Variants in TEKT5 observed in about 807,000 individuals in gnomAD.
TEKT5 encodes tektin-5.
A neutral mutation model predicts 48.7 loss-of-function variants in TEKT5; 52 were observed. The observed-to-expected ratio is 1.07, with a 90% CI of 0.86 to 1.35. The LOEUF is 1.35. Ranked by LOEUF, TEKT5 falls within the 40% of genes most tolerant of loss-of-function variation. TEKT5 has a pLI of 0.00. For missense variants in TEKT5, 831 were observed against 641.6 expected, an observed-to-expected ratio of 1.30 and a Z score of -3.19; for synonymous variants, 318 against 267.6, an observed-to-expected ratio of 1.19 and a Z score of -1.84.
Position 10,627,742 on chromosome 16 carries a change from C to T in TEKT5, c.1299G>A (p.Leu433=), listed in dbSNP as rs1435741949. ...GCTGCAGCGTGTCCTGTGTCTCCCG[C>T]AGCCGCAGCTTGAGGGTCTGCAGGG... ...DDTLQTLKLR[L]RETQDTLQLL... The change falls in exon 7 of 7, where the codon CTG becomes CTA. Residue 433 remains leucine, a synonymous_variant. Transcript: ENST00000283025. 1 of 1,614,268 alleles carries T rather than the reference C, an allele frequency of 6.2e-7. No individual in the cohort carries two copies.
chr16:10,663,708 G>A lies in TEKT5; in HGVS notation c.1086+12251C>T, dbSNP rs973424548. The stretch of plus-strand genomic sequence containing the variant: ...GTGGGGGCTGTCCTGTGCATTGGGG[G>A]CTGTTTAGCACAGCATCCCTGGTCT... On this transcript the variant is annotated intron_variant, in intron 5 of 6. Transcript: ENST00000283025. Among the ~76,000 whole-genome samples the A allele has an allele frequency of 3.3e-5, 5 of 152,284 alleles. No individual in the cohort carries two copies. The East Asian group carries it at 9.7e-4, about 29-fold the overall frequency.
intron 5 of TEKT5, among the ~76,000 whole-genome samples, chr16:10,653,790 G>A (rs1005407093): frequency 5.3e-5 from 8 of 152,152 alleles, no homozygotes; most frequent in African/African-American, 1.9e-4. Flanking sequence ...GCAGGAGCCT[G>A]TAATCTCAGC....
intron 5 of TEKT5, among the ~76,000 whole-genome samples, chr16:10,639,874 C>T (rs1451183822): frequency 5.3e-5 from 8 of 152,228 alleles, no homozygotes; most frequent in Non-Finnish European, 1.2e-4. Flanking sequence ...CCCTCTGCAT[C>T]TGCATCCTAG....
intron 5 of TEKT5, among the ~76,000 whole-genome samples, chr16:10,644,847 T>C (rs142265205): frequency 7.1e-4 from 108 of 152,326 alleles, no homozygotes; most frequent in African/African-American, 2.5e-3. Flanking sequence ...TGAATGTCTG[T>C]GTTCCCCCAA....
chr16:10,684,576 C>A (rs1240067285), intron 3 of TEKT5, among the ~76,000 whole-genome samples: 1 of 152,066 alleles, frequency 6.6e-6, no homozygotes, highest in Non-Finnish European at 1.5e-5. Flanking sequence ...TTGGCAGAGT[C>A]CTGGAGAAAT....
chr16:10,661,231 TA>T (rs1898364869), intron 5 of TEKT5, among the ~76,000 whole-genome samples: 1 of 152,192 alleles, frequency 6.6e-6, no homozygotes. Flanking sequence ...ACCCCTGTTA[TA>T]AACTATTCCA....
At chr16:10,693,130 T>G (rs1899011881) in intron 1 of TEKT5, among the ~76,000 whole-genome samples, 2 of 152,152 alleles carry the variant, frequency 1.3e-5, no homozygotes, top group Admixed American at 1.3e-4. Flanking sequence ...GAGTCTTGCT[T>G]TGTGGCACAG....
At chr16:10,648,252 C>G (rs938792198) in intron 5 of TEKT5, among the ~76,000 whole-genome samples, 1 of 152,202 alleles carries the variant, frequency 6.6e-6, no homozygotes, top group Non-Finnish European at 1.5e-5. Context: ...CATGAATCAT[C>G]TCATTATAGA....
intron 6 of TEKT5, among the ~76,000 whole-genome samples, chr16:10,632,602 G>T (rs149226532): frequency 1.3e-5 from 2 of 152,112 alleles, no homozygotes; most frequent in African/African-American, 4.8e-5. Flanking sequence ...AGCCTTTAAA[G>T]TTCAATTTTA....
Position 10,635,770 on chromosome 16 carries a change from T to C in TEKT5, c.1235A>G (p.Gln412Arg), listed in dbSNP as rs772195112. 1 of 1,612,004 alleles carries C rather than the reference T, an allele frequency of 6.2e-7. No homozygotes were observed. The highest frequency in any genetic ancestry group is 1.1e-5 in the South Asian group (1 of 90,960). Reference sequence around the variant, plus strand: ...TCTGGCCTCCCTCACTTACTTCAACTGCGGGATGTCCCTGCACAGCTCCAT... The same window carrying C: ...TCTGGCCTCCCTCACTTACTTCAACCGCGGGATGTCCCTGCACAGCTCCAT... ...PNMELCRDIP[Q>R]LKLVNEVFTI... Residue 412 changes from glutamine (Q) to arginine (R), a missense_variant, in exon 6 of 7, where the codon CAG becomes CGG. Gln to Arg is a conservative substitution (Grantham distance 43). Transcript: ENST00000283025.
intron 6 of TEKT5, among the ~76,000 whole-genome samples, chr16:10,635,421 C>T (rs892702337): frequency 1.3e-5 from 2 of 152,036 alleles, no homozygotes; most frequent in Non-Finnish European, 2.9e-5. Context: ...GGTAAAGCCA[C>T]CACCTGGGAG....
intron 3 of TEKT5, among the ~76,000 whole-genome samples, chr16:10,684,872 G>A (rs1327888950): frequency 6.6e-6 from 1 of 152,182 alleles, no homozygotes; most frequent in Non-Finnish European, 1.5e-5. Context: ...ACCTGGTGCA[G>A]CAAGGACCCC....
Position 10,682,114 on chromosome 16 carries a change from C to T in TEKT5, c.742G>A (p.Val248Met), listed in dbSNP as rs764879505. The T allele has an allele frequency of 6.3e-5, 102 of 1,614,028 alleles. No individual in the cohort carries two copies. Among genetic ancestry groups the T allele is most frequent in the Non-Finnish European group, 8.2e-5 (97 of 1,180,008 alleles). ...TTGTCTTCGAGGTCCCTCTCCAGCA[C>T]GTGCTGAGCATCCCGGTTATCCCTG... ...QMRDNRDAQH[V>M]LERDLEDKSS... The change falls in exon 4 of 7, where the codon GTG becomes ATG. Residue 248 changes from valine to methionine, a missense_variant. Val to Met is a conservative substitution (Grantham distance 21). Transcript: ENST00000283025.
intron 5 of TEKT5, among the ~76,000 whole-genome samples, chr16:10,666,063 C>T (rs1898450860): frequency 6.6e-6 from 1 of 152,174 alleles, no homozygotes; most frequent in African/African-American, 2.4e-5. Context: ...CATGGTGACA[C>T]CTTGTCTCTA....
chr16:10,693,556 T>G (rs901385014), intron 1 of TEKT5, among the ~76,000 whole-genome samples: 14 of 152,244 alleles, frequency 9.2e-5, no homozygotes, highest in Non-Finnish European at 1.5e-4. Context: ...ACAGGTGCCC[T>G]GCACTGAATA....
rs1484503074 is a variant in TEKT5, at chr16:10,694,350, C to T, written c.524G>A (p.Arg175Gln). Residue 175 changes from arginine (R) to glutamine (Q), a missense_variant, in exon 1 of 7, where the codon CGG becomes CAG. Coordinates refer to ENST00000283025, the MANE Select transcript of TEKT5 (RefSeq NM_144674.2). ...CACCTCATTGGCCGCGCACTCCAGC[C>T]GCCTCTTGACCGTCTCCAAGTTCTG... ...ENQNLETVKR[R>Q]LECAANEVNC... The T allele has an allele frequency of 5.6e-6, 9 of 1,611,808 alleles. No individual in the cohort carries two copies. Among genetic ancestry groups the T allele is most frequent in the Middle Eastern group, 1.7e-4 (1 of 6,044 alleles).
At chr16:10,649,077 G>A (rs958997678) in intron 5 of TEKT5, among the ~76,000 whole-genome samples, 11 of 151,926 alleles carry the variant, frequency 7.2e-5, no homozygotes, top group Non-Finnish European at 1.3e-4. Flanking sequence ...AGCCACCTGA[G>A]TAACTGGTAC....
intron 5 of TEKT5, among the ~76,000 whole-genome samples, chr16:10,644,194 G>C (rs1285843886): frequency 2.0e-5 from 3 of 152,184 alleles, no homozygotes; most frequent in African/African-American, 7.2e-5. Flanking sequence ...AGTTTACAAA[G>C]TCCTTTCCCA....
chr16:10,676,432 G>A (rs1003505811), intron 4 of TEKT5, among the ~76,000 whole-genome samples: 2 of 152,164 alleles, frequency 1.3e-5, no homozygotes, highest in Non-Finnish European at 2.9e-5. Flanking sequence ...GGAGGGTGCA[G>A]TCGCCCCTTG....
Sources: allele counts gnomAD v4.1 joint callset (sites outside exome capture counted in the v4.1 genomes callset), GRCh38; gene constraint gnomAD v4.1.1; transcripts MANE v1.5; gene names NCBI Gene and HGNC (gene_info 2026-07-23, HGNC 2026-07-21).